UMAD1: variants seen among roughly 807,000 people sequenced by gnomAD.
UMAD1 encodes the protein UBAP1-MVB12-associated (UMA)-domain containing protein 1.
A neutral mutation model predicts 6.1 loss-of-function variants in UMAD1; 8 were observed. That is an observed-to-expected ratio of 1.30 (90% CI 0.76 to 2.35). UMAD1 has a LOEUF of 2.35. Among genes scored for constraint, UMAD1 ranks in the 30% most tolerant of loss-of-function variants. The pLI, the probability that UMAD1 is intolerant of heterozygous loss-of-function variation, is 0.00. For missense variants in UMAD1, 130 were observed against 78.4 expected, an observed-to-expected ratio of 1.66 and a Z score of -2.49; for synonymous variants, 56 against 31.4, an observed-to-expected ratio of 1.78 and a Z score of -2.61.
chr7:7,674,822 A>G (rs1341931409), intron 2 of UMAD1, among the ~76,000 whole-genome samples: 2 of 152,134 alleles, frequency 1.3e-5, no homozygotes, highest in African/African-American at 4.8e-5. Flanking sequence ...AGAAAACTTC[A>G]GGGGTACATC....
chr7:7,821,034 C>T (rs1783230914), intron 3 of UMAD1, among the ~76,000 whole-genome samples: 1 of 152,106 alleles, frequency 6.6e-6, no homozygotes, highest in Non-Finnish European at 1.5e-5. Flanking sequence ...TTTTAGGATT[C>T]AATTCCTGTT....
In UMAD1 at chr7:7,877,386, G is replaced by T. The variant is rs1784440528; in HGVS notation, c.262G>T (p.Asp88Tyr). 1 of 717,572 alleles carries T rather than the reference G, an allele frequency of 1.4e-6. No individual in the cohort carries two copies. The highest frequency in any genetic ancestry group is 2.6e-6 in the Non-Finnish European group (1 of 385,118). 44.5% of individuals were successfully genotyped at this position (717,572 alleles called of 1,614,324 possible). ...NSSLMAELLS[D>Y]VPFTLAPHVL... The stretch of plus-strand genomic sequence containing the variant: ...CTCATTAATGGCCGAGCTCCTGAGC[G>T]ATGTGCCGTTCACCCTGGCCCCGCA... Residue 88 changes from aspartate to tyrosine, a missense_variant, in exon 4 of 4, where the codon GAT (aspartate) becomes TAT (tyrosine). Transcript: ENST00000682710.
intron 2 of UMAD1, among the ~76,000 whole-genome samples, chr7:7,777,593 A>ATT: frequency 6.9e-6 from 1 of 145,122 alleles, no homozygotes; most frequent in African/African-American, 2.6e-5. Flanking sequence ...ATATATATAT[A>ATT]TATATATATG....
At chr7:7,697,580 A>G (rs1309331556) in intron 2 of UMAD1, among the ~76,000 whole-genome samples, 3 of 152,104 alleles carry the variant, frequency 2.0e-5, no homozygotes, top group Admixed American at 2.0e-4. Context: ...ACGAATATGT[A>G]CCTGCTAAAG....
intron 2 of UMAD1, among the ~76,000 whole-genome samples, chr7:7,793,609 A>C (rs944196028): frequency 8.5e-5 from 13 of 152,292 alleles, no homozygotes; most frequent in African/African-American, 3.1e-4. Context: ...ATTATCAACT[A>C]TTCTGGAATC....
chr7:7,676,347 A>G (rs995477727), intron 2 of UMAD1: 19 of 391,866 alleles, frequency 4.8e-5, no homozygotes, highest in African/African-American at 3.9e-4. Flanking sequence ...GTGAGGTAGT[A>G]CTATTATATC....
At chr7:7,687,923 C>T (rs1423166684) in intron 2 of UMAD1, among the ~76,000 whole-genome samples, 1 of 152,160 alleles carries the variant, frequency 6.6e-6, no homozygotes, top group Non-Finnish European at 1.5e-5. Flanking sequence ...TCCTGATGCA[C>T]CAGCTGAAAA....
chr7:7,771,693 A>T (rs1782106707), intron 2 of UMAD1, among the ~76,000 whole-genome samples: 1 of 152,274 alleles, frequency 6.6e-6, no homozygotes, highest in East Asian at 1.9e-4. Context: ...AAGGGCAGGG[A>T]TAGAAATTAG....
intron 2 of UMAD1, among the ~76,000 whole-genome samples, chr7:7,778,267 TGTGTGTGTGAGAGAGA>T (rs1782264268): frequency 1.9e-5 from 2 of 107,798 alleles, no homozygotes; most frequent in African/African-American, 6.8e-5. Flanking sequence ...TGTGTGTGTG[TGTGTGTGTGAGAGAGA>T]GAGAGAGAGA....
At chr7:7,813,777 G>T (rs1273752350) in intron 3 of UMAD1, among the ~76,000 whole-genome samples, 1 of 152,160 alleles carries the variant, frequency 6.6e-6, no homozygotes, top group African/African-American at 2.4e-5. Flanking sequence ...ACCCATCGGA[G>T]AGCTGTATAT....
chr7:7,655,287 G>A (rs779086250), intron 1 of UMAD1, among the ~76,000 whole-genome samples: 7 of 152,136 alleles, frequency 4.6e-5, no homozygotes, highest in African/African-American at 7.2e-5. Context: ...CCTGTATTGC[G>A]TTTAAGGATT....
chr7:7,861,242 T>G (rs980864445), intron 3 of UMAD1, among the ~76,000 whole-genome samples: 6 of 152,184 alleles, frequency 3.9e-5, no homozygotes, highest in Admixed American at 3.3e-4. Context: ...GATGGTAAAT[T>G]TTATTTTTGT....
intron 3 of UMAD1, among the ~76,000 whole-genome samples, chr7:7,859,075 A>G (rs765736337): frequency 2.6e-5 from 4 of 152,176 alleles, no homozygotes; most frequent in Admixed American, 6.5e-5. Flanking sequence ...GCTCCTCCAA[A>G]CTAAATTGCC....
At chr7:7,833,675 A>G (rs1175560581) in intron 3 of UMAD1, among the ~76,000 whole-genome samples, 1 of 152,214 alleles carries the variant, frequency 6.6e-6, no homozygotes, top group Non-Finnish European at 1.5e-5. Context: ...GATAGGAAAT[A>G]TAGTTACTGG....
At position 7,835,785 on chromosome 7, in the gene UMAD1, G is replaced by C. The variant is rs187378742; in HGVS notation, c.156+34042G>C. Among the ~76,000 whole-genome samples, 12 of 152,014 alleles carry C rather than the reference G, an allele frequency of 7.9e-5. No individual in the cohort carries two copies. In the East Asian group the frequency reaches 1.9e-3, roughly 24 times the overall value. On this transcript the variant is annotated intron_variant, in intron 3 of 3. Transcript: ENST00000682710. Reference sequence around the variant, plus strand: ...TCAGTTATCTTATTTTAGGTTTTCTGAGGTTTTGTTTCCATTTAGTTTGTA... The same window carrying C: ...TCAGTTATCTTATTTTAGGTTTTCTCAGGTTTTGTTTCCATTTAGTTTGTA...
At chr7:7,821,363 T>C (rs1264522739) in intron 3 of UMAD1, among the ~76,000 whole-genome samples, 1 of 152,210 alleles carries the variant, frequency 6.6e-6, no homozygotes, top group African/African-American at 2.4e-5. Flanking sequence ...AGTTACATGT[T>C]GCCATGATAA....
At chr7:7,846,525 G>A (rs1480419791) in intron 3 of UMAD1, among the ~76,000 whole-genome samples, 2 of 152,014 alleles carry the variant, frequency 1.3e-5, no homozygotes, top group Non-Finnish European at 2.9e-5. Context: ...TAAAATAAAT[G>A]TAAACAGATG....
chr7:7,810,020 A>T (rs1307800039), intron 3 of UMAD1, among the ~76,000 whole-genome samples: 1 of 152,044 alleles, frequency 6.6e-6, no homozygotes, highest in Non-Finnish European at 1.5e-5. Context: ...TGGGGACTCA[A>T]AGTATAGAAA....
At chr7:7,707,740 GC>G (rs1780642421) in intron 2 of UMAD1, among the ~76,000 whole-genome samples, 1 of 152,110 alleles carries the variant, frequency 6.6e-6, no homozygotes, top group South Asian at 2.1e-4. Context: ...TTAAAAATCG[GC>G]CAAGGTATCT....
Sources: allele counts gnomAD v4.1 joint callset (sites outside exome capture counted in the v4.1 genomes callset), GRCh38; gene constraint gnomAD v4.1.1; transcripts MANE v1.5; gene names NCBI Gene and HGNC (gene_info 2026-07-23, HGNC 2026-07-21).